ADAMTS6: variants seen among roughly 807,000 people sequenced by gnomAD.
ADAMTS6 encodes ADAM metallopeptidase with thrombospondin type 1 motif 6.
ADAMTS6 carries 23 observed loss-of-function variants against 144.3 expected under a neutral mutation model. The ratio of observed to expected loss-of-function variants is 0.16; its 90% CI spans 0.11 to 0.23. The LOEUF is 0.23. Among genes scored for constraint, ADAMTS6 ranks in the 10% least tolerant of loss-of-function variants. ADAMTS6 has a pLI of 1.00. For synonymous variants in ADAMTS6, 444 were observed against 457.5 expected (o/e 0.97, Z 0.38); for missense variants, 999 against 1,379.6 (o/e 0.72, Z 4.37).
At chr5:65,400,402 A>G (rs754971559) in intron 7 of ADAMTS6, among the ~76,000 whole-genome samples, 2 of 151,990 alleles carry the variant, frequency 1.3e-5, no homozygotes, top group Non-Finnish European at 2.9e-5. Flanking sequence ...TGTTGTAGAA[A>G]CCAGGGTGTT....
At chr5:65,413,185 C>T (rs536032560) in intron 7 of ADAMTS6, among the ~76,000 whole-genome samples, 13 of 152,140 alleles carry the variant, frequency 8.5e-5, no homozygotes, top group Non-Finnish European at 1.8e-4. Flanking sequence ...ACAGGCTCAG[C>T]GGGCCACCTT....
intron 7 of ADAMTS6, among the ~76,000 whole-genome samples, chr5:65,357,551 A>G (rs1405300892): frequency 6.6e-6 from 1 of 151,778 alleles, no homozygotes; most frequent in Non-Finnish European, 1.5e-5. Context: ...AAAAAGATCA[A>G]TGAAATTAGG....
chr5:65,397,166 C>T (rs1301955118), intron 7 of ADAMTS6, among the ~76,000 whole-genome samples: 2 of 152,178 alleles, frequency 1.3e-5, no homozygotes, highest in Admixed American at 1.3e-4. Flanking sequence ...TTAATGTTCA[C>T]AGGATCTGTG....
At chr5:65,372,387 G>A (rs1751046086) in intron 7 of ADAMTS6, among the ~76,000 whole-genome samples, 1 of 151,802 alleles carries the variant, frequency 6.6e-6, no homozygotes, top group Admixed American at 6.6e-5. Context: ...GCACACATAG[G>A]CTCAAAATAA....
chr5:65,383,579 A>C (rs957310335), intron 7 of ADAMTS6, among the ~76,000 whole-genome samples: 1 of 151,780 alleles, frequency 6.6e-6, no homozygotes, highest in Non-Finnish European at 1.5e-5. Context: ...AGGCAATCCT[A>C]CTCTCAAGGC....
intron 20 of ADAMTS6, among the ~76,000 whole-genome samples, chr5:65,211,874 G>A (rs1032277202): frequency 6.6e-6 from 1 of 152,134 alleles, no homozygotes; most frequent in African/African-American, 2.4e-5. Context: ...TCATTAAGGT[G>A]CTCAATAAGG....
intron 4 of ADAMTS6, among the ~76,000 whole-genome samples, chr5:65,458,628 T>A (rs1434950007): frequency 6.6e-6 from 1 of 152,178 alleles, no homozygotes; most frequent in Non-Finnish European, 1.5e-5. Context: ...GCCAGGCTGA[T>A]CTTGAACTCC....
intron 1 of ADAMTS6, among the ~76,000 whole-genome samples, chr5:65,474,362 T>C (rs1181823744): frequency 3.9e-5 from 6 of 152,094 alleles, no homozygotes; most frequent in Non-Finnish European, 2.9e-5. Flanking sequence ...TATCCAGATA[T>C]TGTTGTGTTG....
At chr5:65,224,263 C>A in intron 18 of ADAMTS6, 57 bp downstream of exon 18, 2 of 1,414,142 alleles carry the variant, frequency 1.4e-6, no homozygotes, top group Non-Finnish European at 2.0e-6. Flanking sequence ...TGATACTGTG[C>A]TACTTTTCCT....
At chr5:65,174,739 G>A (rs1415648128) in intron 22 of ADAMTS6, among the ~76,000 whole-genome samples, 2 of 152,182 alleles carry the variant, frequency 1.3e-5, no homozygotes, top group East Asian at 3.8e-4. Context: ...TTTTGGTTTT[G>A]ATTCTGAGTT....
intron 10 of ADAMTS6, among the ~76,000 whole-genome samples, chr5:65,295,843 T>C (rs1398893815): frequency 6.6e-6 from 1 of 152,098 alleles, no homozygotes; most frequent in Non-Finnish European, 1.5e-5. Flanking sequence ...GTTTGCAGTA[T>C]GATGAGAAAG....
At position 65,401,869 on chromosome 5, in the gene ADAMTS6, C is replaced by G. The variant is rs551102463; in HGVS notation, c.1073+49606G>C. On this transcript the variant is annotated intron_variant, in intron 7 of 24. Coordinates refer to ENST00000381055, the MANE Select transcript of ADAMTS6 (RefSeq NM_197941.4). ...GTAGAAACTGAAATTCTTTGATTTT[C>G]TCACTTTTTCCTTCTTCAATCCCTC... Among the ~76,000 whole-genome samples, 3 of 152,170 alleles carry G rather than the reference C, an allele frequency of 2.0e-5. No homozygotes were observed. In the East Asian group the frequency reaches 5.8e-4, roughly 29 times the overall value.
At chr5:65,412,336 G>C (rs1755119292) in intron 7 of ADAMTS6, among the ~76,000 whole-genome samples, 1 of 152,026 alleles carries the variant, frequency 6.6e-6, no homozygotes, top group Non-Finnish European at 1.5e-5. Context: ...CCTCGGAAGA[G>C]AGGATTAGGA....
intron 24 of ADAMTS6, among the ~76,000 whole-genome samples, chr5:65,156,309 C>G (rs1579906053): frequency 6.6e-6 from 1 of 150,702 alleles, no homozygotes; most frequent in Admixed American, 6.6e-5. Flanking sequence ...AAAAAAAACA[C>G]AAAAAAACGA....
chr5:65,183,174 C>T (rs1399231791), intron 22 of ADAMTS6, among the ~76,000 whole-genome samples: 2 of 152,118 alleles, frequency 1.3e-5, no homozygotes, highest in African/African-American at 4.8e-5. Context: ...CAGAGAAGTC[C>T]TCAGTTTGTT....
chr5:65,365,797 T>G (rs1750251756), intron 7 of ADAMTS6, among the ~76,000 whole-genome samples: 1 of 152,178 alleles, frequency 6.6e-6, no homozygotes, highest in African/African-American at 2.4e-5. Context: ...TTAGCTCGAA[T>G]ACAAACTATA....
intron 15 of ADAMTS6, among the ~76,000 whole-genome samples, chr5:65,237,977 C>T (rs966788643): frequency 7.9e-5 from 12 of 151,922 alleles, no homozygotes; most frequent in African/African-American, 2.9e-4. Flanking sequence ...GTCCCAGCTA[C>T]TCAGGAGGCT....
At chr5:65,307,840 C>G (rs1408505805) in intron 9 of ADAMTS6, among the ~76,000 whole-genome samples, 1 of 152,168 alleles carries the variant, frequency 6.6e-6, no homozygotes, top group Non-Finnish European at 1.5e-5. Context: ...TTGTCTAGTT[C>G]CCTTGCTCCT....
At chr5:65,242,853 G>C (rs757418239) in intron 14 of ADAMTS6, among the ~76,000 whole-genome samples, 6 of 152,026 alleles carry the variant, frequency 3.9e-5, no homozygotes, top group Non-Finnish European at 7.4e-5. Flanking sequence ...ATGTACATTT[G>C]TTTGAGGTGT....
Sources: gnomAD v4.1 joint callset for allele counts (sites outside exome capture counted in the v4.1 genomes callset) on GRCh38, gnomAD v4.1.1 for gene constraint, MANE v1.5 for transcripts, NCBI Gene and HGNC (gene_info 2026-07-23, HGNC 2026-07-21) for gene names.